The following PATL2 variants were observed in gnomAD, a reference collection of about 807,000 sequenced individuals.
PATL2 encodes PAT1 homolog 2.
A neutral mutation model predicts 77.0 loss-of-function variants in PATL2; 73 were observed. That is an observed-to-expected ratio of 0.95 (90% CI 0.78 to 1.15). PATL2 has a LOEUF of 1.15. PATL2 is among the 50% of genes most tolerant of loss of function. PATL2 has a pLI of 0.00. For synonymous variants in PATL2, 265 were observed against 257.1 expected (o/e 1.03, Z -0.29); for missense variants, 618 against 655.4 (o/e 0.94, Z 0.62).
At position 44,669,260 on chromosome 15, in the gene PATL2, T is replaced by A; in HGVS notation, c.1064+20A>T. Reference sequence around the variant, plus strand: ...TGCTCCTTCCCTTCCTGGGCTGAGGTGGAACCCTCCCACACTCACTCCAGG... The same window carrying A: ...TGCTCCTTCCCTTCCTGGGCTGAGGAGGAACCCTCCCACACTCACTCCAGG... On this transcript the variant is annotated intron_variant, in intron 13 of 17. Coordinates refer to ENST00000682850, the MANE Select transcript of PATL2 (RefSeq NM_001387263.1). 6.5e-7 allele frequency: 1 copy of A among 1,540,198 alleles called. No homozygotes were observed. Among genetic ancestry groups the A allele is most frequent in the Non-Finnish European group, 8.8e-7 (1 of 1,137,742 alleles).
In PATL2 at chr15:44,676,464, C is replaced by T; in HGVS notation, c.16+11G>A. 1 of 1,548,656 alleles carries T rather than the reference C, an allele frequency of 6.5e-7. No homozygotes were observed. The highest frequency in any genetic ancestry group is 8.7e-7 in the Non-Finnish European group (1 of 1,144,272). On this transcript the variant is annotated intron_variant, in intron 4 of 17. Coordinates refer to ENST00000682850, the MANE Select transcript of PATL2 (RefSeq NM_001387263.1). ...GCATTTTATATAACATCACGGCCCA[C>T]TTGTTGATACCTTCAAGGCAATTCA...
Position 44,665,963 on chromosome 15 carries a change from C to G in PATL2, c.1622G>C (p.Trp541Ser). 12 of 1,543,260 alleles carry G rather than the reference C, an allele frequency of 7.8e-6. No homozygotes were observed. Among genetic ancestry groups the G allele is most frequent in the Non-Finnish European group, 1.0e-5 (12 of 1,144,718 alleles). ...TCCAGAACAAACAGATCAGTAAATC[C>G]AGGCAAACCTATAAAGAGAACAGAT... is the stretch of plus-strand genomic sequence containing the variant. ...QQLEARMEFA[W>S]IY The change falls in exon 18 of 18, where the codon TGG (tryptophan) becomes TCG (serine). Residue 541 changes from tryptophan (W) to serine (S), a missense_variant. Transcript: ENST00000682850.
At chr15:44,667,416 A>G (rs2085432564) in intron 15 of PATL2, 1 of 530,606 alleles carries the variant, frequency 1.9e-6, no homozygotes, top group Non-Finnish European at 3.4e-6. Flanking sequence ...TCCAAAAGAC[A>G]CTCTTGGAGA....
intron 3 of PATL2, among the ~76,000 whole-genome samples, chr15:44,704,052 G>C (rs755981620): frequency 1.3e-5 from 2 of 151,558 alleles, no homozygotes; most frequent in African/African-American, 4.9e-5. Context: ...GCAGTGGTGC[G>C]ATCTTGGCTC....
At chr15:44,688,056 G>T (rs2086301549) in intron 3 of PATL2, among the ~76,000 whole-genome samples, 1 of 151,942 alleles carries the variant, frequency 6.6e-6, no homozygotes, top group African/African-American at 2.4e-5. Flanking sequence ...GACCATCCTG[G>T]CTAACACAGT....
intron 4 of PATL2, 84 bp from the exon 5 acceptor site, chr15:44,675,775 C>G (rs970047110): frequency 1.8e-5 from 21 of 1,196,158 alleles, no homozygotes; most frequent in Non-Finnish European, 2.2e-5. Context: ...CTCAATAGCA[C>G]TTCTGTTCAT....
chr15:44,711,261 A>G lies in PATL2; in HGVS notation c.-495T>C. 1.7e-6 allele frequency: 1 copy of G among 574,166 alleles called. No homozygotes were observed. The highest frequency in any genetic ancestry group is 3.1e-6 in the Non-Finnish European group (1 of 320,048). The allele number at this position is 574,166 out of a possible 1,614,324, so 35.6% of individuals were successfully genotyped here. A position where few individuals can be genotyped will look rare whatever the true frequency, so the allele number is the denominator to read the frequency against. ...GCCTCCAGCCTGAAGTCCTAGAATG[A>G]GCGCCCGGTGTCCCAAGCTGGGGCG... On this transcript the variant is annotated 5_prime_UTR_variant, in exon 1 of 18. Transcript: ENST00000682850.
intron 3 of PATL2, 25 bp from the exon 4 acceptor site, chr15:44,676,590 G>A: frequency 6.5e-7 from 1 of 1,526,822 alleles, no homozygotes; most frequent in Non-Finnish European, 8.9e-7. Context: ...AGGCCAAGAG[G>A]CACCATCCTC....
intron 3 of PATL2, among the ~76,000 whole-genome samples, chr15:44,698,584 T>C (rs2086561727): frequency 6.6e-6 from 1 of 152,190 alleles, no homozygotes; most frequent in African/African-American, 2.4e-5. Context: ...TAATTCACCC[T>C]TTATTATGGC....
intron 9 of PATL2, 34 bp downstream of exon 9, chr15:44,671,981 G>T: frequency 6.5e-7 from 1 of 1,549,828 alleles, no homozygotes. Flanking sequence ...TTTGACCCAA[G>T]GTCAGAGGCT....
chr15:44,667,216 T>C lies in PATL2; in HGVS notation c.1366-13A>G, dbSNP rs1183775762. On this transcript the variant is annotated splice_polypyrimidine_tract_variant and intron_variant, in intron 15 of 17. Transcript: ENST00000682850. Reference sequence around the variant, plus strand: ...AAGATATTCCAAACTGCAAGGGACATATATATATTCCAGAGCAAAATGAGT... The same window carrying C: ...AAGATATTCCAAACTGCAAGGGACACATATATATTCCAGAGCAAAATGAGT... 6.5e-7 allele frequency: 1 copy of C among 1,539,176 alleles called. No homozygotes were observed.
intron 3 of PATL2, among the ~76,000 whole-genome samples, chr15:44,695,465 G>A (rs567656785): frequency 3.5e-4 from 53 of 152,218 alleles, no homozygotes; most frequent in Middle Eastern, 3.4e-3. Context: ...AAGTTCATTT[G>A]CATAATAAGA....
chr15:44,689,637 C>T (rs999740136), intron 3 of PATL2, among the ~76,000 whole-genome samples: 29 of 151,602 alleles, frequency 1.9e-4, no homozygotes, highest in Admixed American at 1.5e-3. Flanking sequence ...TGCATGCTCT[C>T]ACTCATAAGT....
At chr15:44,695,167 G>A (rs566338261) in intron 3 of PATL2, among the ~76,000 whole-genome samples, 123 of 151,080 alleles carry the variant, frequency 8.1e-4, no homozygotes, top group East Asian at 3.7e-3. Context: ...CCAGCCTGGC[G>A]ACAGAGCGAG....
At chr15:44,689,169 C>G (rs1391146984) in intron 3 of PATL2, among the ~76,000 whole-genome samples, 1 of 152,206 alleles carries the variant, frequency 6.6e-6, no homozygotes, top group South Asian at 2.1e-4. Flanking sequence ...GAGATACCAA[C>G]TCATGCCAGT....
chr15:44,690,812 A>T (rs1212103166), intron 3 of PATL2, among the ~76,000 whole-genome samples: 1 of 152,162 alleles, frequency 6.6e-6, no homozygotes, highest in African/African-American at 2.4e-5. Context: ...TATATTATCC[A>T]ATCAGTAACC....
chr15:44,710,909 G>C lies in PATL2; in HGVS notation c.-233C>G, dbSNP rs1308734676. On this transcript the variant is annotated 5_prime_UTR_variant, in exon 2 of 18. Transcript: ENST00000682850. ...ACATAGGGAGGAACTTCTTGGCACA[G>C]AACTTTCCAAACACTTTTTCCTGAA... is the stretch of plus-strand genomic sequence containing the variant. 6.7e-6 allele frequency: 1 copy of C among 148,960 alleles called. No homozygotes were observed. Among genetic ancestry groups the C allele is most frequent in the African/African-American group, 2.6e-5 (1 of 38,642 alleles). The allele number at this position is 148,960 out of a possible 1,614,324, so 9.2% of individuals were successfully genotyped here. A position where few individuals can be genotyped will look rare whatever the true frequency, so the allele number is the denominator to read the frequency against.
At chr15:44,701,049 G>A (rs957629653) in intron 3 of PATL2, among the ~76,000 whole-genome samples, 1 of 150,942 alleles carries the variant, frequency 6.6e-6, no homozygotes, top group Non-Finnish European at 1.5e-5. Flanking sequence ...CCTTCATTCT[G>A]TTGATATGAT....
chr15:44,676,061 C>T, intron 4 of PATL2: 1 of 315,874 alleles, frequency 3.2e-6, no homozygotes, highest in Non-Finnish European at 5.9e-6. Context: ...CGGCAGATAC[C>T]AAACACCTTC....
Sources: allele counts gnomAD v4.1 joint callset (sites outside exome capture counted in the v4.1 genomes callset), GRCh38; gene constraint gnomAD v4.1.1; transcripts MANE v1.5; gene names NCBI Gene and HGNC (gene_info 2026-07-23, HGNC 2026-07-21).